The following MCTP1 variants were observed in gnomAD, a reference collection of about 807,000 sequenced individuals.
MCTP1 encodes multiple C2 and transmembrane domain containing 1.
A neutral mutation model predicts 120.6 loss-of-function variants in MCTP1; 69 were observed. That is an observed-to-expected ratio of 0.57 (90% CI 0.47 to 0.70). The LOEUF is 0.70. Among genes scored for constraint, MCTP1 ranks in the 30% least tolerant of loss-of-function variants. MCTP1 has a pLI of 0.00. For synonymous variants in MCTP1, 529 were observed against 493.1 expected, an observed-to-expected ratio of 1.07 and a Z score of -0.96; for missense variants, 1,203 against 1,248.8, an observed-to-expected ratio of 0.96 and a Z score of 0.55.
chr5:94,786,564 A>G (rs1777752593), intron 18 of MCTP1, among the ~76,000 whole-genome samples: 2 of 152,202 alleles, frequency 1.3e-5, no homozygotes, highest in African/African-American at 4.8e-5. Context: ...ACTTCACACA[A>G]AACCTCCAAA....
At chr5:95,159,178 T>C (rs1046468725) in intron 1 of MCTP1, among the ~76,000 whole-genome samples, 4 of 152,232 alleles carry the variant, frequency 2.6e-5, no homozygotes, top group African/African-American at 9.6e-5. Flanking sequence ...CTGTGTCTAC[T>C]AACTTAGTAT....
At chr5:94,992,599 G>C (rs1223175049) in intron 2 of MCTP1, among the ~76,000 whole-genome samples, 1 of 152,150 alleles carries the variant, frequency 6.6e-6, no homozygotes, top group Non-Finnish European at 1.5e-5. Context: ...GAGTGCGTTT[G>C]GCCCATGCAT....
At chr5:95,052,108 TTAAGA>T (rs1229710921) in intron 1 of MCTP1, among the ~76,000 whole-genome samples, 1 of 152,206 alleles carries the variant, frequency 6.6e-6, no homozygotes, top group Non-Finnish European at 1.5e-5. Context: ...GCTTGTAATA[TTAAGA>T]TAAGTTTTAT....
At chr5:94,799,857 T>C (rs1780827402) in intron 17 of MCTP1, among the ~76,000 whole-genome samples, 1 of 152,202 alleles carries the variant, frequency 6.6e-6, no homozygotes, top group African/African-American at 2.4e-5. Context: ...GGAGTCATTC[T>C]AAGAACACTT....
chr5:94,932,213 TAAAAAA>T (rs368203326), intron 5 of MCTP1, among the ~76,000 whole-genome samples: 1 of 95,846 alleles, frequency 1.0e-5, no homozygotes, highest in African/African-American at 4.1e-5. Context: ...TATTCCTTTG[TAAAAAA>T]AAAAAAAAAA....
At chr5:94,815,795 A>G (rs962364075) in intron 17 of MCTP1, among the ~76,000 whole-genome samples, 1 of 152,198 alleles carries the variant, frequency 6.6e-6, no homozygotes, top group Admixed American at 6.5e-5. Context: ...ACACTGGCTC[A>G]AGACCGTCTG....
intron 1 of MCTP1, among the ~76,000 whole-genome samples, chr5:95,205,949 G>C (rs186047240): frequency 2.6e-5 from 4 of 152,230 alleles, no homozygotes; most frequent in African/African-American, 7.2e-5. Context: ...ATATAAAATA[G>C]TATATCCACT....
At chr5:95,108,184 C>G (rs889623217) in intron 1 of MCTP1, among the ~76,000 whole-genome samples, 1 of 152,164 alleles carries the variant, frequency 6.6e-6, no homozygotes, top group African/African-American at 2.4e-5. Context: ...CTCCTAGTAA[C>G]AGTTTCTCTA....
At chr5:94,945,729 T>G (rs1818745071) in intron 3 of MCTP1, among the ~76,000 whole-genome samples, 1 of 152,214 alleles carries the variant, frequency 6.6e-6, no homozygotes, top group South Asian at 2.1e-4. Context: ...TGATGGGAAC[T>G]ACTATTTATA....
intron 1 of MCTP1, among the ~76,000 whole-genome samples, chr5:95,156,827 C>A (rs1745178983): frequency 1.3e-5 from 2 of 152,152 alleles, no homozygotes; most frequent in South Asian, 4.1e-4. Flanking sequence ...AAGTCACAAA[C>A]CAATTTTAAA....
intron 17 of MCTP1, among the ~76,000 whole-genome samples, chr5:94,806,980 C>A (rs1782466098): frequency 6.6e-6 from 1 of 152,162 alleles, no homozygotes; most frequent in African/African-American, 2.4e-5. Flanking sequence ...AATTTCAATT[C>A]ATTTTTTTCT....
intron 5 of MCTP1, among the ~76,000 whole-genome samples, chr5:94,936,130 T>C (rs755612489): frequency 1.3e-5 from 2 of 151,964 alleles, no homozygotes; most frequent in Non-Finnish European, 2.9e-5. Flanking sequence ...TCAAGCAGAT[T>C]ATCATTAATA....
At chr5:95,060,566 T>C (rs1748691670) in intron 1 of MCTP1, among the ~76,000 whole-genome samples, 1 of 152,228 alleles carries the variant, frequency 6.6e-6, no homozygotes. Flanking sequence ...TATGAATCTT[T>C]TTCCTTTCTG....
At chr5:95,230,566 C>G (rs1193181463) in intron 1 of MCTP1, among the ~76,000 whole-genome samples, 1 of 152,138 alleles carries the variant, frequency 6.6e-6, no homozygotes, top group East Asian at 1.9e-4. Context: ...CTCAGGCTCC[C>G]TGGCCATAGG....
chr5:95,112,421 C>T (rs991326017), intron 1 of MCTP1, among the ~76,000 whole-genome samples: 6 of 152,158 alleles, frequency 3.9e-5, no homozygotes, highest in South Asian at 4.1e-4. Flanking sequence ...ATTTTTTAAA[C>T]GTTAGCTATT....
At chr5:94,822,227 C>T (rs946583155) in intron 17 of MCTP1, among the ~76,000 whole-genome samples, 20 of 152,138 alleles carry the variant, frequency 1.3e-4, no homozygotes, top group Non-Finnish European at 5.9e-5. Flanking sequence ...CACCCTCAAA[C>T]ATGCCCTGGT....
rs117368921 is a variant in MCTP1, at chr5:94,712,094, C to T, written c.2721-1167G>A. ...TCCTCTGACCCTTTAGCATGAGAGC[C>T]AAGAAGTTAGCAGATTTGTATTCAA... On this transcript the variant is annotated intron_variant, in intron 20 of 22. Coordinates refer to ENST00000515393, the MANE Select transcript of MCTP1 (RefSeq NM_024717.7). Among the ~76,000 whole-genome samples, 284 of 152,216 alleles carry T rather than the reference C, an allele frequency of 1.9e-3. 8 individuals are homozygous for T. In the East Asian group the frequency reaches 0.05, roughly 27 times the overall value.
intron 1 of MCTP1, among the ~76,000 whole-genome samples, chr5:95,272,782 A>T (rs191250688): frequency 2.8e-4 from 43 of 152,330 alleles, no homozygotes; most frequent in African/African-American, 1.0e-3. Flanking sequence ...CAAAAGCACC[A>T]GCCTGAGTGT....
chr5:95,164,981 G>A (rs1261247302), intron 1 of MCTP1, among the ~76,000 whole-genome samples: 1 of 152,108 alleles, frequency 6.6e-6, no homozygotes, highest in Non-Finnish European at 1.5e-5. Context: ...CAGACAGAAA[G>A]AGGGAGGGGG....
Sources: gnomAD v4.1 joint callset for allele counts (sites outside exome capture counted in the v4.1 genomes callset) on GRCh38, gnomAD v4.1.1 for gene constraint, MANE v1.5 for transcripts, NCBI Gene and HGNC (gene_info 2026-07-23, HGNC 2026-07-21) for gene names.